Variants in PLAAT3 observed in about 807,000 individuals in gnomAD.
The protein encoded by PLAAT3 is Ca-independent phospholipase A1/2.
PLAAT3 carries 21 observed loss-of-function variants against 16.7 expected under a neutral mutation model. The ratio of observed to expected loss-of-function variants is 1.26; its 90% confidence interval spans 0.89 to 1.81. PLAAT3 has a LOEUF of 1.81. Among genes scored for constraint, PLAAT3 ranks in the 40% most tolerant of loss-of-function variants. The pLI is 0.00. For synonymous variants in PLAAT3, 76 were observed against 81.7 expected (o/e 0.93, Z 0.38); for missense variants, 219 against 213.7 (o/e 1.02, Z -0.16).
In PLAAT3 at chr11:63,598,132, A is replaced by G. The variant is rs1938340892; in HGVS notation, c.47T>C (p.Ile16Thr). Reference sequence around the variant, plus strand: ...CCAGTGTCTGTAGAAAGGGCGAAAAATCTCAATCAGGTCTCCAGGCTTAGG... The same window carrying G: ...CCAGTGTCTGTAGAAAGGGCGAAAAGTCTCAATCAGGTCTCCAGGCTTAGG... Reference protein sequence around the residue: ...PEPKPGDLIEIFRPFYRHWAI... With the variant: ...PEPKPGDLIETFRPFYRHWAI... Residue 16 changes from isoleucine to threonine, a missense_variant, in exon 3 of 5, where the codon ATT becomes ACT. Coordinates refer to ENST00000415826, the MANE Select transcript of PLAAT3 (RefSeq NM_001128203.2). 2 of 1,613,986 alleles carry G rather than the reference A, an allele frequency of 1.2e-6. No individual in the cohort carries two copies. The highest frequency in any genetic ancestry group is 1.7e-6 in the Non-Finnish European group (2 of 1,179,888).
chr11:63,586,135 C>T (rs1413184356), intron 4 of PLAAT3, among the ~76,000 whole-genome samples: 4 of 150,920 alleles, frequency 2.7e-5, no homozygotes, highest in Non-Finnish European at 4.4e-5. Context: ...TGTGTGTGCA[C>T]GTGTATGTGT....
chr11:63,603,024 C>T (rs1046547286), intron 2 of PLAAT3, among the ~76,000 whole-genome samples: 3 of 152,276 alleles, frequency 2.0e-5, no homozygotes, highest in African/African-American at 4.8e-5. Flanking sequence ...AACCCAGAGG[C>T]GGAGGTTGCA....
chr11:63,583,157 G>A (rs1295465059), intron 4 of PLAAT3, among the ~76,000 whole-genome samples: 1 of 152,106 alleles, frequency 6.6e-6, no homozygotes, highest in African/African-American at 2.4e-5. Context: ...TTAACAGACA[G>A]AATTCATGAT....
chr11:63,582,638 C>G (rs777366037), intron 4 of PLAAT3, among the ~76,000 whole-genome samples: 17 of 152,214 alleles, frequency 1.1e-4, no homozygotes, highest in Admixed American at 3.3e-4. Flanking sequence ...GTTTTCTCAT[C>G]ATGAGTTCTG....
rs532186243 is a variant in PLAAT3 at position 63,598,126 on chromosome 11, C to A, written c.53G>T (p.Arg18Leu). 1.2e-6 allele frequency: 2 copies of A among 1,613,932 alleles called. No homozygotes were observed. The highest frequency in any genetic ancestry group is 1.7e-6 in the Non-Finnish European group (2 of 1,179,876). The stretch of plus-strand genomic sequence containing the variant: ...GATGGCCCAGTGTCTGTAGAAAGGG[C>A]GAAAAATCTCAATCAGGTCTCCAGG... ...PKPGDLIEIFRPFYRHWAIYV... is the reference protein window; with the variant it reads ...PKPGDLIEIFLPFYRHWAIYV... Residue 18 changes from arginine to leucine, a missense_variant, in exon 3 of 5, where the codon CGC becomes CTC. Arg to Leu is a moderately radical substitution (Grantham distance 102). Coordinates refer to ENST00000415826, the MANE Select transcript of PLAAT3 (RefSeq NM_001128203.2).
chr11:63,612,355 A>G (rs1489234315), intron 2 of PLAAT3, among the ~76,000 whole-genome samples: 2 of 147,064 alleles, frequency 1.4e-5, no homozygotes, highest in Non-Finnish European at 3.0e-5. Flanking sequence ...TTTAAGCTGT[A>G]GAACTGATTA....
intron 4 of PLAAT3, among the ~76,000 whole-genome samples, chr11:63,581,617 C>T (rs987953308): frequency 6.6e-6 from 1 of 152,176 alleles, no homozygotes; most frequent in Non-Finnish European, 1.5e-5. Flanking sequence ...ATTTTGCTTT[C>T]ACCTTGTGAT....
chr11:63,614,822 T>C (rs1168131104), upstream of PLAAT3, among the ~76,000 whole-genome samples: 1 of 151,098 alleles, frequency 6.6e-6, no homozygotes, highest in Non-Finnish European at 1.5e-5. Context: ...GAGACCATGC[T>C]GGCTAACACG....
intron 4 of PLAAT3, among the ~76,000 whole-genome samples, chr11:63,577,198 G>C (rs1183855006): frequency 6.7e-6 from 1 of 150,154 alleles, no homozygotes; most frequent in Non-Finnish European, 1.5e-5. Flanking sequence ...TTGAGATGGA[G>C]TTTGCTCTTG....
chr11:63,595,188 G>C (rs989235060), intron 3 of PLAAT3, among the ~76,000 whole-genome samples: 1 of 151,488 alleles, frequency 6.6e-6, no homozygotes, highest in Non-Finnish European at 1.5e-5. Flanking sequence ...CTACTCCAGA[G>C]GCTGAGGCAG....
At chr11:63,590,655 T>C (rs1462739135) in intron 3 of PLAAT3, among the ~76,000 whole-genome samples, 2 of 152,174 alleles carry the variant, frequency 1.3e-5, no homozygotes, top group African/African-American at 4.8e-5. Context: ...AGTGGCCCCC[T>C]TGGTTATGCA....
upstream of PLAAT3, among the ~76,000 whole-genome samples, chr11:63,615,052 G>GTATGTATATA (rs1313889361): frequency 6.1e-4 from 6 of 9,772 alleles, no homozygotes; most frequent in Non-Finnish European, 9.2e-3. Context: ...GTATATATAT[G>GTATGTATATA]TGTATATATA....
chr11:63,598,167 C>CA lies in PLAAT3; in HGVS notation c.16-5dup. The CA allele has an allele frequency of 6.2e-7, 1 of 1,607,524 alleles. No homozygotes were observed. Among genetic ancestry groups the CA allele is most frequent in the Non-Finnish European group, 8.5e-7 (1 of 1,174,082 alleles). On this transcript the variant is annotated splice_polypyrimidine_tract_variant and splice_region_variant and intron_variant, in intron 2 of 4. Transcript: ENST00000415826. ...GGTCTCCAGGCTTAGGCTCTGGCTG[C>CA]AAAACCAAGAACAGGGCTGTTAGAG... is the stretch of plus-strand genomic sequence containing the variant.
intron 2 of PLAAT3, among the ~76,000 whole-genome samples, chr11:63,605,565 G>A (rs12786288): frequency 4.6e-5 from 7 of 151,646 alleles, no homozygotes; most frequent in Non-Finnish European, 8.8e-5. Flanking sequence ...TTTTGTTTTT[G>A]TTTTTGAGAC....
chr11:63,595,422 G>C (rs143304759), intron 3 of PLAAT3, among the ~76,000 whole-genome samples: 18 of 152,168 alleles, frequency 1.2e-4, no homozygotes, highest in African/African-American at 4.3e-4. Context: ...ATACACAGCA[G>C]TGAAAAAGAA....
At chr11:63,601,211 C>T (rs1276764717) in intron 2 of PLAAT3, among the ~76,000 whole-genome samples, 1 of 151,296 alleles carries the variant, frequency 6.6e-6, no homozygotes, top group Non-Finnish European at 1.5e-5. Flanking sequence ...CCTGCCACCA[C>T]ATCCGGCTAT....
At chr11:63,590,735 C>T (rs1375853490) in intron 3 of PLAAT3, among the ~76,000 whole-genome samples, 1 of 152,200 alleles carries the variant, frequency 6.6e-6, no homozygotes, top group Non-Finnish European at 1.5e-5. Context: ...GGCATCAGGG[C>T]TACACCTACT....
chr11:63,595,390 T>C (rs993638813), intron 3 of PLAAT3, among the ~76,000 whole-genome samples: 1 of 151,778 alleles, frequency 6.6e-6, no homozygotes, highest in Non-Finnish European at 1.5e-5. Context: ...TGCTAAATTG[T>C]AGCATATTCA....
At chr11:63,575,493 C>T (rs531402113) in intron 4 of PLAAT3, among the ~76,000 whole-genome samples, 19 of 152,262 alleles carry the variant, frequency 1.2e-4, no homozygotes, top group Admixed American at 4.6e-4. Flanking sequence ...TCACTGTATC[C>T]CCAGTGCCTG....
Sources: allele counts gnomAD v4.1 joint callset (sites outside exome capture counted in the v4.1 genomes callset), GRCh38; gene constraint gnomAD v4.1.1; transcripts MANE v1.5; gene names NCBI Gene and HGNC (gene_info 2026-07-23, HGNC 2026-07-21).